ZFHX3: variants seen among roughly 807,000 people sequenced by gnomAD.
ZFHX3 encodes the protein zinc finger homeobox protein 3.
Under a neutral mutation model 279.1 loss-of-function variants are expected in ZFHX3, and 42 were observed. The ratio of observed to expected loss-of-function variants is 0.15; its 90% CI spans 0.12 to 0.19. The LOEUF is 0.19. Among genes scored for constraint, ZFHX3 ranks in the 10% least tolerant of loss-of-function variants. The pLI, the probability that ZFHX3 is intolerant of heterozygous loss-of-function variation, is 1.00. For synonymous variants in ZFHX3, 2,293 were observed against 1,957.8 expected, an observed-to-expected ratio of 1.17 and a Z score of -4.52; for missense variants, 4,981 against 4,754.0, an observed-to-expected ratio of 1.05 and a Z score of -1.40.
chr16:73,735,905 T>TGTTTGTTTGTTTGTTTG (rs755533323), intron 1 of ZFHX3, among the ~76,000 whole-genome samples: 80 of 147,386 alleles, frequency 5.4e-4, no homozygotes, highest in African/African-American at 1.9e-3. Flanking sequence ...TTTTTTTTTT[T>TGTTTGTTTGTTTGTTTG]TTTTTTTTTT....
chr16:73,286,684 GGTGTGT>G (rs762235468), intron 4 of ZFHX3, among the ~76,000 whole-genome samples: 2 of 150,200 alleles, frequency 1.3e-5, no homozygotes, highest in Non-Finnish European at 3.0e-5. Flanking sequence ...TGTGTGGGTT[GGTGTGT>G]GAGTGTGAGT....
At chr16:73,524,306 G>A (rs936402902) in intron 2 of ZFHX3, among the ~76,000 whole-genome samples, 2 of 152,196 alleles carry the variant, frequency 1.3e-5, no homozygotes, top group Non-Finnish European at 2.9e-5. Context: ...GAAATGCCAT[G>A]CTAGGAAGAA....
At chr16:72,861,149 G>T (rs1039809668) in intron 4 of ZFHX3, among the ~76,000 whole-genome samples, 2 of 152,172 alleles carry the variant, frequency 1.3e-5, no homozygotes, top group African/African-American at 4.8e-5. Flanking sequence ...CACCCTTCTG[G>T]AAGTGCTTGG....
chr16:73,335,912 C>G (rs1270732190), intron 3 of ZFHX3, among the ~76,000 whole-genome samples: 1 of 152,228 alleles, frequency 6.6e-6, no homozygotes, highest in Non-Finnish European at 1.5e-5. Flanking sequence ...TTCATGCCCT[C>G]ACCGTGTCTT....
intron 4 of ZFHX3, among the ~76,000 whole-genome samples, chr16:72,873,566 T>C (rs1405273558): frequency 1.3e-5 from 2 of 152,228 alleles, no homozygotes; most frequent in Non-Finnish European, 2.9e-5. Flanking sequence ...TCATTTTATT[T>C]TTTCCATCAA....
intron 7 of ZFHX3, among the ~76,000 whole-genome samples, chr16:72,809,039 C>T (rs1480559683): frequency 6.6e-6 from 1 of 152,186 alleles, no homozygotes; most frequent in Non-Finnish European, 1.5e-5. Flanking sequence ...ATATCCTGCC[C>T]TTGAAGACTC....
intron 3 of ZFHX3, among the ~76,000 whole-genome samples, chr16:73,346,557 C>T (rs567135211): frequency 2.6e-5 from 4 of 151,468 alleles, no homozygotes; most frequent in African/African-American, 9.6e-5. Flanking sequence ...CTGCAACCTC[C>T]ACCTCCCCGG....
At chr16:73,112,695 G>T (rs1966389165) in intron 7 of ZFHX3, among the ~76,000 whole-genome samples, 1 of 122,678 alleles carries the variant, frequency 8.2e-6, no homozygotes, top group Admixed American at 1.1e-4. Context: ...CAGCCTGGGC[G>T]ACGGCGTGAG....
At chr16:72,881,865 T>C (rs2038482856) in intron 4 of ZFHX3, among the ~76,000 whole-genome samples, 1 of 152,158 alleles carries the variant, frequency 6.6e-6, no homozygotes, top group Admixed American at 6.5e-5. Flanking sequence ...ACTGACTGGC[T>C]AGCTATCCAT....
At chr16:73,038,454 A>G (rs1381781599) in intron 1 of ZFHX3, among the ~76,000 whole-genome samples, 1 of 152,246 alleles carries the variant, frequency 6.6e-6, no homozygotes, top group Admixed American at 6.5e-5. Context: ...TCATGGCTGC[A>G]AAGGCCCAGA....
chr16:73,214,097 G>A (rs1238443082), intron 5 of ZFHX3, among the ~76,000 whole-genome samples: 1 of 152,212 alleles, frequency 6.6e-6, no homozygotes, highest in African/African-American at 2.4e-5. Flanking sequence ...ATAGGGGGAA[G>A]GGGGAGGACC....
intron 1 of ZFHX3, among the ~76,000 whole-genome samples, chr16:73,843,703 G>T (rs780196127): frequency 1.3e-5 from 2 of 152,108 alleles, no homozygotes; most frequent in Admixed American, 6.5e-5. Flanking sequence ...TTAATCAGTG[G>T]GTTTACTTAG....
At chr16:73,420,484 A>AG (rs1486854997) in intron 3 of ZFHX3, among the ~76,000 whole-genome samples, 1 of 152,206 alleles carries the variant, frequency 6.6e-6, no homozygotes, top group Non-Finnish European at 1.5e-5. Context: ...GGTAGATGCC[A>AG]GGGATTCTGC....
In ZFHX3 at chr16:73,120,649, C is replaced by CTTTTTTTTTTTTTTTTTT; in HGVS notation, c.-897+10318_-897+10319insAAAAAAAAAAAAAAAAAA. On this transcript the variant is annotated intron_variant, in intron 7 of 17. Transcript: ENST00000641206. ...TTGTTTTTCTGCCCTATCCTCTCTACCTTTTTTTTTTTTTTTTTTTTTTGA... is the reference window on the plus strand; with the variant it reads ...TTGTTTTTCTGCCCTATCCTCTCTACTTTTTTTTTTTTTTTTTTCTTTTTTTTTTTTTTTTTTTTTTGA... Among the ~76,000 whole-genome samples the CTTTTTTTTTTTTTTTTTT allele has an allele frequency of 1.9e-5, 2 of 106,202 alleles. 1 individual carries two copies. Among genetic ancestry groups the CTTTTTTTTTTTTTTTTTT allele is most frequent in the Non-Finnish European group, 4.0e-5 (2 of 50,578 alleles). The allele number at this position is 106,202 out of a possible 152,430, so 69.7% of individuals were successfully genotyped here. A position where few individuals can be genotyped will look rare whatever the true frequency, so the allele number is the denominator to read the frequency against.
In ZFHX3 at chr16:73,241,790, C is replaced by CAAAAAAAAAAA. The variant is rs60214410; in HGVS notation, c.-1104+15246_-1104+15256dup. On this transcript the variant is annotated intron_variant, in intron 5 of 17. Coordinates refer to the ZFHX3 transcript ENST00000641206. ...GGGCAATAAGAGCAAAACTCCGTCT[C>CAAAAAAAAAAA]AAAAAAAAAAAAAAAAAAAAAAAAA... is the stretch of plus-strand genomic sequence containing the variant. Among the ~76,000 whole-genome samples, 81 of 51,278 alleles carry CAAAAAAAAAAA rather than the reference C, an allele frequency of 1.6e-3. 1 individual carries two copies. The highest frequency in any genetic ancestry group is 6.7e-3 in the African/African-American group (79 of 11,766). 33.6% of individuals were successfully genotyped at this position (51,278 alleles called of 152,430 possible).
At chr16:72,902,173 A>G (rs929243891) in intron 3 of ZFHX3, among the ~76,000 whole-genome samples, 3 of 152,214 alleles carry the variant, frequency 2.0e-5, no homozygotes, top group African/African-American at 7.2e-5. Flanking sequence ...TGTAAATACA[A>G]TTGCTCCAAG....
At chr16:73,104,596 G>A (rs56699618) in intron 7 of ZFHX3, among the ~76,000 whole-genome samples, 53,433 of 151,912 alleles carry the variant, frequency 0.35, 9,715 homozygotes, top group East Asian at 0.58. Context: ...TTTTCTTTAC[G>A]AGAGACTCTG....
intron 7 of ZFHX3, chr16:73,127,202 G>A (rs1966583764): frequency 1.9e-6 from 1 of 538,536 alleles, no homozygotes. Context: ...ATGCAAACCA[G>A]AGCAGTCGTG....
intron 1 of ZFHX3, among the ~76,000 whole-genome samples, chr16:73,767,749 G>A (rs1314529348): frequency 1.3e-5 from 2 of 152,050 alleles, no homozygotes; most frequent in African/African-American, 4.8e-5. Context: ...TGCCATTTAT[G>A]AGCTATGTGA....
Sources: allele counts gnomAD v4.1 joint callset (sites outside exome capture counted in the v4.1 genomes callset), GRCh38; gene constraint gnomAD v4.1.1; transcripts MANE v1.5; gene names NCBI Gene and HGNC (gene_info 2026-07-23, HGNC 2026-07-21).